Variants in ARHGAP42 observed in about 807,000 individuals in gnomAD.
ARHGAP42 encodes the protein Rho GTPase activating protein 42, also known as rho GTPase-activating protein 42.
In ARHGAP42, 63 loss-of-function variants were observed where a neutral mutation model predicts 125.0. That is an observed-to-expected ratio of 0.50 (90% CI 0.41 to 0.62). ARHGAP42 has a LOEUF of 0.62. Ranked by LOEUF, ARHGAP42 falls within the 20% of genes least tolerant of loss-of-function variation. The pLI, the probability that ARHGAP42 is intolerant of heterozygous loss-of-function variation, is 0.00. For missense variants in ARHGAP42, 766 were observed against 1,024.2 expected (o/e 0.75, Z 3.44); for synonymous variants, 339 against 351.0 (o/e 0.97, Z 0.38).
chr11:100,812,973 T>A (rs1056072445), intron 3 of ARHGAP42, among the ~76,000 whole-genome samples: 1 of 152,160 alleles, frequency 6.6e-6, no homozygotes, highest in African/African-American at 2.4e-5. Flanking sequence ...TGTGCTGAGC[T>A]CCCCTTAGGA....
At chr11:100,929,247 A>T (rs1255328086) in intron 6 of ARHGAP42, among the ~76,000 whole-genome samples, 1 of 152,024 alleles carries the variant, frequency 6.6e-6, no homozygotes, top group Non-Finnish European at 1.5e-5. Context: ...AATAGGCCTC[A>T]CTCTCCTATG....
At chr11:100,963,260 T>A (rs1858006140) in intron 16 of ARHGAP42, among the ~76,000 whole-genome samples, 2 of 152,346 alleles carry the variant, frequency 1.3e-5, no homozygotes, top group East Asian at 1.9e-4. Context: ...TTTGTTTAGA[T>A]CTGTGATTGC....
At chr11:100,749,983 T>C (rs1297199549) in intron 1 of ARHGAP42, among the ~76,000 whole-genome samples, 1 of 152,178 alleles carries the variant, frequency 6.6e-6, no homozygotes, top group Non-Finnish European at 1.5e-5. Flanking sequence ...GAGCTCAGGT[T>C]ATTCCTCACA....
chr11:100,841,700 G>A (rs776677574), intron 3 of ARHGAP42, among the ~76,000 whole-genome samples: 8 of 151,956 alleles, frequency 5.3e-5, no homozygotes, highest in Non-Finnish European at 8.8e-5. Flanking sequence ...ATGTCTTACG[G>A]CATTGGCACT....
chr11:100,798,532 AT>A (rs1165176046), intron 3 of ARHGAP42, among the ~76,000 whole-genome samples: 4 of 152,250 alleles, frequency 2.6e-5, no homozygotes, highest in Non-Finnish European at 5.9e-5. Flanking sequence ...ATACTTTTAA[AT>A]TAAGGTATGT....
In ARHGAP42 at chr11:100,976,891, C is replaced by T. The variant is rs1858406666; in HGVS notation, c.2313C>T (p.Asn771=). 6.4e-7 allele frequency: 1 copy of T among 1,551,440 alleles called. No individual in the cohort carries two copies. The highest frequency in any genetic ancestry group is 1.2e-5 in the South Asian group (1 of 84,068). The change falls in exon 21 of 24, where the codon AAC becomes AAT. Residue 771 remains asparagine, a synonymous_variant. Coordinates refer to ENST00000298815, the MANE Select transcript of ARHGAP42 (RefSeq NM_152432.4). Reference sequence around the variant, plus strand: ...AGGAGACACCCAAAGCTTCACCAAACCCAGACCTGCCTCCGAAAATGTGCA... The same window carrying T: ...AGGAGACACCCAAAGCTTCACCAAATCCAGACCTGCCTCCGAAAATGTGCA... The part of the protein sequence containing the change: ...GSKETPKASP[N]PDLPPKMCRR...
chr11:100,791,015 A>G (rs1727826606), intron 2 of ARHGAP42, among the ~76,000 whole-genome samples: 1 of 152,234 alleles, frequency 6.6e-6, no homozygotes, highest in South Asian at 2.1e-4. Context: ...TGGCTCAAAC[A>G]TTCACACAAA....
intron 3 of ARHGAP42, among the ~76,000 whole-genome samples, chr11:100,821,919 C>A (rs1864413926): frequency 6.6e-6 from 1 of 152,138 alleles, no homozygotes; most frequent in African/African-American, 2.4e-5. Context: ...AGATTTAAAT[C>A]ATTTCCAGAG....
intron 9 of ARHGAP42, 64 bp downstream of exon 9, chr11:100,941,948 A>G (rs1867897465): frequency 1.2e-5 from 14 of 1,206,876 alleles, no homozygotes; most frequent in Non-Finnish European, 1.6e-5. Context: ...TGGAATTAAA[A>G]CAAAAAAATC....
rs116828587 is a variant in ARHGAP42, at chr11:100,934,973, A to G, written c.703-1230A>G. Among the ~76,000 whole-genome samples the G allele has an allele frequency of 3.9e-3, 594 of 152,290 alleles. 3 individuals carry two copies. The highest frequency in any genetic ancestry group is 0.014 in the African/African-American group (568 of 41,566). On this transcript the variant is annotated intron_variant, in intron 7 of 23. Coordinates refer to ENST00000298815, the MANE Select transcript of ARHGAP42 (RefSeq NM_152432.4). ...TTAAAAGCGAAAATTATAAAAGCTG[A>G]CGTATTTTTATGATTTACTTCCACA...
At chr11:100,896,571 G>T (rs2135200508) in intron 4 of ARHGAP42, among the ~76,000 whole-genome samples, 1 of 152,226 alleles carries the variant, frequency 6.6e-6, no homozygotes, top group South Asian at 2.1e-4. Flanking sequence ...CTTTTGATTT[G>T]CATTTCTCTG....
At chr11:100,798,115 A>G (rs1218704579) in intron 3 of ARHGAP42, among the ~76,000 whole-genome samples, 1 of 152,222 alleles carries the variant, frequency 6.6e-6, no homozygotes, top group African/African-American at 2.4e-5. Flanking sequence ...ATTGCTTCCT[A>G]TGGATAAGCA....
intron 21 of ARHGAP42, among the ~76,000 whole-genome samples, chr11:100,977,657 T>A (rs79888548): frequency 6.6e-6 from 1 of 152,138 alleles, no homozygotes; most frequent in Non-Finnish European, 1.5e-5. Flanking sequence ...AATTTCCTAA[T>A]GCTCTCTGAG....
intron 3 of ARHGAP42, among the ~76,000 whole-genome samples, chr11:100,844,908 T>C (rs1865025851): frequency 6.6e-6 from 1 of 152,082 alleles, no homozygotes; most frequent in Non-Finnish European, 1.5e-5. Context: ...AAAATAGAAC[T>C]ATCATTTGAT....
At chr11:100,910,496 A>G (rs1471388627) in intron 4 of ARHGAP42, among the ~76,000 whole-genome samples, 1 of 152,192 alleles carries the variant, frequency 6.6e-6, no homozygotes, top group Non-Finnish European at 1.5e-5. Flanking sequence ...TCAATAAGAA[A>G]ACAGTGATCA....
intron 1 of ARHGAP42, among the ~76,000 whole-genome samples, chr11:100,756,640 A>G (rs1023490790): frequency 1.3e-5 from 2 of 152,192 alleles, no homozygotes; most frequent in Non-Finnish European, 2.9e-5. Flanking sequence ...TGTGTGTATC[A>G]TTTGTATGAA....
chr11:100,851,405 A>G lies in ARHGAP42; in HGVS notation c.313-8149A>G, dbSNP rs190137704. The stretch of plus-strand genomic sequence containing the variant: ...TCCCATAAGATTATAATGGAGCTAA[A>G]CAATTCCTATCGCCTAATGACATCA... On this transcript the variant is annotated intron_variant, in intron 3 of 23. Coordinates refer to ENST00000298815, the MANE Select transcript of ARHGAP42 (RefSeq NM_152432.4). Among the ~76,000 whole-genome samples the G allele has an allele frequency of 1.9e-3, 297 of 152,338 alleles. 3 individuals are homozygous for G. The highest frequency in any genetic ancestry group is 1.1e-3 in the Non-Finnish European group (74 of 68,032).
At chr11:100,722,609 G>A (rs1861779849) in intron 1 of ARHGAP42, among the ~76,000 whole-genome samples, 1 of 151,912 alleles carries the variant, frequency 6.6e-6, no homozygotes, top group Admixed American at 6.6e-5. Context: ...GGCTAGTCTC[G>A]AACTCCTGAA....
At chr11:100,770,094 C>G (rs1034969740) in intron 1 of ARHGAP42, among the ~76,000 whole-genome samples, 5 of 152,122 alleles carry the variant, frequency 3.3e-5, no homozygotes, top group African/African-American at 1.2e-4. Flanking sequence ...CCAAAACTCT[C>G]TTAAAGCAGT....
Sources: allele counts gnomAD v4.1 joint callset (sites outside exome capture counted in the v4.1 genomes callset), GRCh38; gene constraint gnomAD v4.1.1; transcripts MANE v1.5; gene names NCBI Gene and HGNC (gene_info 2026-07-23, HGNC 2026-07-21).